The following MED27 variants were observed in gnomAD, a reference collection of about 807,000 sequenced individuals.
MED27 encodes the protein mediator complex subunit 27, also known as mediator of RNA polymerase II transcription subunit 27.
Under a neutral mutation model 38.2 loss-of-function variants are expected in MED27, and 30 were observed. The observed-to-expected ratio is 0.79, with a 90% CI of 0.59 to 1.07. The LOEUF (loss-of-function observed/expected upper bound fraction) is 1.07. Among genes scored for constraint, MED27 ranks in the 50% least tolerant of loss-of-function variants. The pLI is 0.00. For synonymous variants in MED27, 122 were observed against 153.5 expected (o/e 0.79, Z 1.52); for missense variants, 289 against 397.5 (o/e 0.73, Z 2.32).
At chr9:132,023,928 G>A (rs1177799363) in intron 2 of MED27, among the ~76,000 whole-genome samples, 1 of 152,150 alleles carries the variant, frequency 6.6e-6, no homozygotes, top group Non-Finnish European at 1.5e-5. Context: ...TTTAACAACT[G>A]CATTGTCCTT....
At chr9:132,027,358 T>G (rs1832847048) in intron 2 of MED27, among the ~76,000 whole-genome samples, 1 of 152,210 alleles carries the variant, frequency 6.6e-6, no homozygotes, top group Non-Finnish European at 1.5e-5. Context: ...TTCCGGCCAT[T>G]TGCCCTACTC....
intron 4 of MED27, among the ~76,000 whole-genome samples, chr9:131,936,379 C>G (rs1830685569): frequency 6.6e-6 from 1 of 152,158 alleles, no homozygotes; most frequent in South Asian, 2.1e-4. Context: ...CAGTGAGGAC[C>G]AGATGAGATA....
Position 131,964,298 on chromosome 9 carries a change from G to C in MED27, c.480-24824C>G, listed in dbSNP as rs1041642709. 2.2e-3 allele frequency among the ~76,000 whole-genome samples: 337 copies of C among 151,658 alleles called. 1 individual carries two copies. The highest frequency in any genetic ancestry group is 7.8e-3 in the African/African-American group (320 of 41,116). On this transcript the variant is annotated intron_variant, in intron 3 of 7. Transcript: ENST00000292035. ...AGCAGTGATGGTGGTGGTTGATAGC[G>C]ATTGTGGTGGTGCTGGTGCTGGTGG...
intron 5 of MED27, among the ~76,000 whole-genome samples, chr9:131,887,746 T>C (rs1023603993): frequency 1.4e-4 from 21 of 152,176 alleles, no homozygotes; most frequent in Non-Finnish European, 2.9e-5. Context: ...TTCTGAACTA[T>C]AGTGTCAGGA....
intron 6 of MED27, among the ~76,000 whole-genome samples, chr9:131,870,124 G>C (rs562559202): frequency 6.6e-6 from 1 of 152,312 alleles, no homozygotes; most frequent in Non-Finnish European, 1.5e-5. Flanking sequence ...ATCAGAGCTG[G>C]AGGGTGCTTT....
chr9:132,070,804 C>A (rs1406042236), intron 2 of MED27, among the ~76,000 whole-genome samples: 4 of 151,820 alleles, frequency 2.6e-5, no homozygotes, highest in Non-Finnish European at 4.4e-5. Flanking sequence ...CCACACCCCC[C>A]ACCAAACCCC....
At chr9:132,056,054 A>T (rs898652318) in intron 2 of MED27, among the ~76,000 whole-genome samples, 3 of 152,204 alleles carry the variant, frequency 2.0e-5, no homozygotes, top group Non-Finnish European at 2.9e-5. Context: ...TGTGTGCTTA[A>T]TCATCATGTC....
intron 4 of MED27, among the ~76,000 whole-genome samples, chr9:131,896,920 C>T (rs566286602): frequency 6.6e-6 from 1 of 151,818 alleles, no homozygotes; most frequent in East Asian, 1.9e-4. Flanking sequence ...TTAGTAGAGA[C>T]GGGGTTTCAC....
intron 3 of MED27, among the ~76,000 whole-genome samples, chr9:132,011,185 T>C (rs561153343): frequency 1.3e-5 from 2 of 152,322 alleles, no homozygotes; most frequent in Admixed American, 6.5e-5. Context: ...AACAATACTA[T>C]AATATACTCC....
chr9:132,034,328 T>C (rs900645775), intron 2 of MED27, among the ~76,000 whole-genome samples: 3 of 152,146 alleles, frequency 2.0e-5, no homozygotes, highest in Non-Finnish European at 4.4e-5. Flanking sequence ...ATAAAGATCA[T>C]AAATTCATCA....
chr9:131,987,270 T>G (rs946304406), intron 3 of MED27, among the ~76,000 whole-genome samples: 1 of 152,114 alleles, frequency 6.6e-6, no homozygotes, highest in Non-Finnish European at 1.5e-5. Flanking sequence ...TTTTACTAAG[T>G]GTATGAACAG....
chr9:132,060,820 G>A (rs896813486), intron 2 of MED27, among the ~76,000 whole-genome samples: 2 of 152,090 alleles, frequency 1.3e-5, no homozygotes, highest in Non-Finnish European at 1.5e-5. Flanking sequence ...ATGGTGGCAG[G>A]TGCCTGTAAT....
intron 2 of MED27, among the ~76,000 whole-genome samples, chr9:132,076,427 G>A (rs190844486): frequency 2.6e-5 from 4 of 152,004 alleles, no homozygotes; most frequent in African/African-American, 9.7e-5. Flanking sequence ...CAGCTCCCAC[G>A]GTTCCACTTC....
intron 2 of MED27, among the ~76,000 whole-genome samples, chr9:132,042,100 G>A (rs949380838): frequency 4.6e-5 from 7 of 152,200 alleles, no homozygotes; most frequent in East Asian, 1.9e-4. Flanking sequence ...AGCACGGCAC[G>A]GGAAGCACAG....
At chr9:131,918,646 T>A (rs988934748) in intron 4 of MED27, among the ~76,000 whole-genome samples, 2 of 152,244 alleles carry the variant, frequency 1.3e-5, no homozygotes, top group African/African-American at 4.8e-5. Context: ...AGCATTTTTT[T>A]TTCAAGCTGC....
chr9:132,035,225 G>A (rs1833048393), intron 2 of MED27, among the ~76,000 whole-genome samples: 1 of 152,144 alleles, frequency 6.6e-6, no homozygotes, highest in Non-Finnish European at 1.5e-5. Context: ...ATACCTGCAG[G>A]TTGAATTACA....
chr9:132,022,006 A>C (rs1377900768), intron 2 of MED27, among the ~76,000 whole-genome samples: 1 of 152,252 alleles, frequency 6.6e-6, no homozygotes, highest in Non-Finnish European at 1.5e-5. Context: ...ATTTTATTAC[A>C]GTGGCCTAAA....
intron 4 of MED27, among the ~76,000 whole-genome samples, chr9:131,920,776 T>C (rs909484470): frequency 1.7e-4 from 25 of 150,828 alleles, no homozygotes; most frequent in Non-Finnish European, 1.9e-4. Context: ...GCGCTGGGCC[T>C]AGTGGTGGGG....
chr9:132,056,868 T>C (rs1833590120), intron 2 of MED27, among the ~76,000 whole-genome samples: 1 of 152,216 alleles, frequency 6.6e-6, no homozygotes, highest in Non-Finnish European at 1.5e-5. Context: ...CTAAAGATTC[T>C]TCATTCGGCT....
Sources: gnomAD v4.1 joint callset for allele counts (sites outside exome capture counted in the v4.1 genomes callset) on GRCh38, gnomAD v4.1.1 for gene constraint, MANE v1.5 for transcripts, NCBI Gene and HGNC (gene_info 2026-07-23, HGNC 2026-07-21) for gene names.